KIR2DL3: variants seen among roughly 807,000 people sequenced by gnomAD.
The protein encoded by KIR2DL3 is killer cell immunoglobulin-like receptor 2DL3.
KIR2DL3 carries 39 observed loss-of-function variants against 33.8 expected under a neutral mutation model. The ratio of observed to expected loss-of-function variants is 1.15; its 90% CI spans 0.89 to 1.51. The LOEUF (loss-of-function observed/expected upper bound fraction) is 1.51. Ranked by LOEUF, KIR2DL3 falls within the 40% of genes most tolerant of loss-of-function variation. KIR2DL3 has a pLI of 0.00. For synonymous variants in KIR2DL3, 174 were observed against 160.2 expected, an observed-to-expected ratio of 1.09 and a Z score of -0.65; for missense variants, 462 against 426.2, an observed-to-expected ratio of 1.08 and a Z score of -0.74.
intron 4 of KIR2DL3, 70 bp downstream of exon 4, chr19:54,744,158 G>A (rs1368780309): frequency 1.3e-6 from 2 of 1,595,768 alleles, no homozygotes; most frequent in African/African-American, 1.4e-5. Flanking sequence ...TCCTGCTGAT[G>A]ATGGAGAGAA....
chr19:54,741,291 G>A (rs541039762), intron 2 of KIR2DL3, among the ~76,000 whole-genome samples: 2 of 151,296 alleles, frequency 1.3e-5, no homozygotes, highest in East Asian at 3.9e-4. Context: ...AGTGAGCCTA[G>A]ACCACACCAC....
At chr19:54,741,438 C>T (rs1452954450) in intron 2 of KIR2DL3, among the ~76,000 whole-genome samples, 2 of 152,050 alleles carry the variant, frequency 1.3e-5, no homozygotes, top group East Asian at 3.9e-4. Flanking sequence ...AGGCTCCATC[C>T]ACATAGGGAG....
At chr19:54,744,921 CATATATATATAT>C (rs1177112432) in intron 4 of KIR2DL3, among the ~76,000 whole-genome samples, 7 of 25,254 alleles carry the variant, frequency 2.8e-4, no homozygotes, top group South Asian at 3.4e-3. Context: ...CATATATAAA[CATATATATATAT>C]ATATATATAT....
chr19:54,741,283 T>C (rs962816309), intron 2 of KIR2DL3, among the ~76,000 whole-genome samples: 1 of 151,292 alleles, frequency 6.6e-6, no homozygotes, highest in African/African-American at 2.4e-5. Context: ...GAGGTTGCAG[T>C]GAGCCTAGAC....
intron 4 of KIR2DL3, among the ~76,000 whole-genome samples, chr19:54,744,712 A>C (rs1377353607): frequency 6.7e-6 from 1 of 149,518 alleles, no homozygotes; most frequent in South Asian, 2.1e-4. Context: ...TTTTTAGTAG[A>C]GAGGGGGTTT....
intron 1 of KIR2DL3, among the ~76,000 whole-genome samples, chr19:54,738,843 TG>T (rs2070319992): frequency 2.4e-5 from 2 of 83,790 alleles, no homozygotes; most frequent in African/African-American, 4.8e-5. Flanking sequence ...GATGGAGATA[TG>T]GGCCTGCAGT....
chr19:54,744,817 G>T (rs1555905779), intron 4 of KIR2DL3, among the ~76,000 whole-genome samples: 16,998 of 105,020 alleles, frequency 0.16, 56 homozygotes, highest in South Asian at 0.2. Context: ...GAGCCACCAC[G>T]CCCAGCCACA....
At chr19:54,744,870 TTA>T (rs1185648350) in intron 4 of KIR2DL3, among the ~76,000 whole-genome samples, 7,450 of 78,056 alleles carry the variant, frequency 0.095, 516 homozygotes, top group African/African-American at 0.2. Flanking sequence ...ATAAATACAT[TTA>T]TATATATATA....
chr19:54,739,456 G>T lies in KIR2DL3; in HGVS notation c.35-51G>T, dbSNP rs113110613. 2.8e-6 allele frequency: 4 copies of T among 1,438,474 alleles called. No individual in the cohort carries two copies. The South Asian group carries it at 4.8e-5, about 17-fold the overall frequency. 89.1% of individuals were successfully genotyped at this position (1,438,474 alleles called of 1,614,324 possible). A position where few individuals can be genotyped will look rare whatever the true frequency, so the allele number is the denominator to read the frequency against. On this transcript the variant is annotated intron_variant, in intron 1 of 7. Coordinates refer to ENST00000342376, the MANE Select transcript of KIR2DL3 (RefSeq NM_015868.3). ...TCACAGCCCAGTGGGGGCAGCAAGG[G>T]AGGCCTGGTTTGCCTGCAGATGGAT...
rs376066532 is a variant in KIR2DL3 at position 54,752,562 on chromosome 19, G to A, written c.*43G>A. The A allele has an allele frequency of 1.2e-4, 169 of 1,461,178 alleles. 33 individuals carry two copies. In the African/African-American group the frequency reaches 2.2e-3, roughly 19 times the overall value. The allele number at this position is 1,461,178 out of a possible 1,614,324, so 90.5% of individuals were successfully genotyped here. A position where few individuals can be genotyped will look rare whatever the true frequency, so the allele number is the denominator to read the frequency against. ...CCCATGAGCACCACAGTCAGGCCTT[G>A]AGGGGATCTTCTAGGGAGACAACAG... On this transcript the variant is annotated 3_prime_UTR_variant, in exon 8 of 8. Transcript: ENST00000342376.
At chr19:54,739,471 T>C (rs552637203) in intron 1 of KIR2DL3, 36 bp from the exon 2 acceptor site, 10 of 1,613,606 alleles carry the variant, frequency 6.2e-6, no homozygotes, top group African/African-American at 1.3e-5. Context: ...CTGGTTTGCC[T>C]GCAGATGGAT....
chr19:54,739,428 G>A, intron 1 of KIR2DL3, 79 bp from the exon 2 acceptor site: 27 of 1,608,954 alleles, frequency 1.7e-5, no homozygotes, highest in Non-Finnish European at 2.3e-5. Context: ...TGGCTGCCAA[G>A]ACTCACAGCC....
At chr19:54,740,298 C>A (rs1263722348) in intron 2 of KIR2DL3, among the ~76,000 whole-genome samples, 2 of 152,082 alleles carry the variant, frequency 1.3e-5, no homozygotes, top group African/African-American at 4.8e-5. Context: ...TGCTGTCTGC[C>A]TGGCCCAGCC....
chr19:54,744,064 G>A lies in KIR2DL3; in HGVS notation c.640G>A (p.Asp214Asn). ...TCCATACGAGTGGTCAAACTCGAGT[G>A]ACCCACTGCTTGTTTCTGTCACAGG... ...DSPYEWSNSS[D>N]PLLVSVTGNP... The change falls in exon 4 of 8, where the codon GAC becomes AAC. Residue 214 changes from aspartate to asparagine, a missense_variant. Asp to Asn is a conservative substitution (Grantham distance 23). Transcript: ENST00000342376. 2 of 1,614,232 alleles carry A rather than the reference G, an allele frequency of 1.2e-6. No individual in the cohort carries two copies. Among genetic ancestry groups the A allele is most frequent in the Admixed American group, 3.3e-5 (2 of 60,026 alleles).
intron 4 of KIR2DL3, among the ~76,000 whole-genome samples, chr19:54,744,936 ATATATATATATATATATATTTT>A (rs1311576694): frequency 2.5e-4 from 6 of 23,802 alleles, no homozygotes; most frequent in Admixed American, 6.4e-4. Context: ...ATATATATAT[ATATATATATATATATATATTTT>A]TTTTTTTTTT....
In KIR2DL3 at chr19:54,743,974, G is replaced by A. The variant is rs373651140; in HGVS notation, c.550G>A (p.Asp184Asn). 1.3e-4 allele frequency: 209 copies of A among 1,614,098 alleles called. No homozygotes were observed. The East Asian group carries it at 3.4e-3, about 26-fold the overall frequency. ...CAAGGTCAACGGAACATTCCAGGCC[G>A]ACTTTCCTCTGGGCCCTGCCACCCA... ...GPKVNGTFQA[D>N]FPLGPATHGG... The change falls in exon 4 of 8, where the codon GAC becomes AAC. Residue 184 changes from aspartate to asparagine, a missense_variant. Coordinates refer to ENST00000342376, the MANE Select transcript of KIR2DL3 (RefSeq NM_015868.3).
Position 54,751,423 on chromosome 19 carries a change from T to G in KIR2DL3, c.716-226T>G, listed in dbSNP as rs972120437. Among the ~76,000 whole-genome samples, 13 of 132,880 alleles carry G rather than the reference T, an allele frequency of 9.8e-5. 2 individuals are homozygous for G. The highest frequency in any genetic ancestry group is 3.7e-4 in the African/African-American group (13 of 34,910). 87.2% of individuals were successfully genotyped at this position (132,880 alleles called of 152,430 possible). A position where few individuals can be genotyped will look rare whatever the true frequency, so the allele number is the denominator to read the frequency against. On this transcript the variant is annotated intron_variant, in intron 5 of 7. Coordinates refer to ENST00000342376, the MANE Select transcript of KIR2DL3 (RefSeq NM_015868.3). ...GGGGGTGAAATTTCAATGTGAGGTT[T>G]GAAGGGGTCAAACATCTCAACTAAA...
At chr19:54,739,581 C>T (rs934168875) in intron 2 of KIR2DL3, 39 bp downstream of exon 2, 8 of 1,613,918 alleles carry the variant, frequency 5.0e-6, no homozygotes, top group Middle Eastern at 1.7e-4. Flanking sequence ...CATCTCCCCA[C>T]ATAAGAGGAT....
chr19:54,749,087 C>G (rs1444388409), intron 5 of KIR2DL3, among the ~76,000 whole-genome samples: 785 of 138,380 alleles, frequency 5.7e-3, no homozygotes, highest in Middle Eastern at 0.012. Context: ...CGTGAAGGCA[C>G]AAAGGTGAAA....
Sources: gnomAD v4.1 joint callset for allele counts (sites outside exome capture counted in the v4.1 genomes callset) on GRCh38, gnomAD v4.1.1 for gene constraint, MANE v1.5 for transcripts, NCBI Gene and HGNC (gene_info 2026-07-23, HGNC 2026-07-21) for gene names.